Variants in HOMER1 observed in about 807,000 individuals in gnomAD.
HOMER1 encodes homer protein homolog 1.
In HOMER1, 3 loss-of-function variants were observed where a neutral mutation model predicts 48.9. That is an observed-to-expected ratio of 0.06 (90% CI 0.03 to 0.16). The LOEUF is 0.16. HOMER1 is among the 10% of genes least tolerant of loss of function. HOMER1 has a pLI of 1.00. For missense variants in HOMER1, 247 were observed against 411.4 expected (o/e 0.60, Z 3.46); for synonymous variants, 134 against 146.4 (o/e 0.92, Z 0.61).
chr5:79,400,716 T>C (rs1414228869), intron 6 of HOMER1, among the ~76,000 whole-genome samples: 3 of 114,764 alleles, frequency 2.6e-5, no homozygotes, highest in African/African-American at 4.9e-5. Flanking sequence ...CTTCTATGCC[T>C]TGAATTAAAA....
intron 1 of HOMER1, among the ~76,000 whole-genome samples, chr5:79,502,902 T>C (rs1034890876): frequency 2.0e-5 from 3 of 152,204 alleles, no homozygotes; most frequent in Non-Finnish European, 4.4e-5. Flanking sequence ...GCCATTCTCC[T>C]GCCTCAGCCT....
chr5:79,425,390 GT>G (rs2087983970), intron 5 of HOMER1, among the ~76,000 whole-genome samples: 1 of 139,380 alleles, frequency 7.2e-6, no homozygotes, highest in Non-Finnish European at 1.5e-5. Flanking sequence ...TTTTTAAAAA[GT>G]GGTAACAGGG....
At position 79,402,072 on chromosome 5, in the gene HOMER1, A is replaced by G; in HGVS notation, c.528-17T>C. On this transcript the variant is annotated splice_polypyrimidine_tract_variant and intron_variant, in intron 5 of 8. Coordinates refer to ENST00000334082, the MANE Select transcript of HOMER1 (RefSeq NM_004272.5). ...ATTGCTGAACTAAAATAAAACAAAA[A>G]GAAAATTCTATCCATTACACCAACT... is the stretch of plus-strand genomic sequence containing the variant. 1 of 1,606,124 alleles carries G rather than the reference A, an allele frequency of 6.2e-7. No homozygotes were observed. Among genetic ancestry groups the G allele is most frequent in the East Asian group, 2.2e-5 (1 of 44,798 alleles).
chr5:79,512,993 G>A lies in HOMER1; in HGVS notation c.-219C>T, dbSNP rs567274020. The A allele has an allele frequency of 8.6e-6, 5 of 583,034 alleles. No homozygotes were observed. In the East Asian group the frequency reaches 1.5e-4, roughly 17 times the overall value. The allele number at this position is 583,034 out of a possible 1,614,324, so 36.1% of individuals were successfully genotyped here. On this transcript the variant is annotated 5_prime_UTR_variant, in exon 1 of 9. Coordinates refer to ENST00000334082, the MANE Select transcript of HOMER1 (RefSeq NM_004272.5). ...AAACGTTCAAACAGAGGCGGCATTT[G>A]CTTATTCGAGTTAAAATGCTTTGCG... is the stretch of plus-strand genomic sequence containing the variant.
chr5:79,403,809 GT>G (rs1173556509), intron 5 of HOMER1, among the ~76,000 whole-genome samples: 1 of 152,122 alleles, frequency 6.6e-6, no homozygotes, highest in African/African-American at 2.4e-5. Context: ...TTTTCTATAA[GT>G]CTAAAATTAG....
At chr5:79,383,226 AG>A (rs1749025752) in intron 8 of HOMER1, among the ~76,000 whole-genome samples, 1 of 152,186 alleles carries the variant, frequency 6.6e-6, no homozygotes, top group Admixed American at 6.5e-5. Context: ...AAATATTACT[AG>A]ATTGAAAGAC....
intron 1 of HOMER1, among the ~76,000 whole-genome samples, chr5:79,499,864 T>C (rs368510575): frequency 4.6e-5 from 7 of 152,338 alleles, no homozygotes; most frequent in East Asian, 1.9e-4. Flanking sequence ...CAGTAAATTG[T>C]GTATCACAAC....
At chr5:79,439,989 A>G (rs915065405) in intron 4 of HOMER1, among the ~76,000 whole-genome samples, 1 of 152,188 alleles carries the variant, frequency 6.6e-6, no homozygotes, top group African/African-American at 2.4e-5. Flanking sequence ...GGGAGGTGCT[A>G]AAACCAGACT....
chr5:79,387,968 C>T (rs1036282406), intron 8 of HOMER1, among the ~76,000 whole-genome samples: 1 of 152,180 alleles, frequency 6.6e-6, no homozygotes, highest in African/African-American at 2.4e-5. Flanking sequence ...AGAGGTATTT[C>T]TCAAGCTCTC....
At chr5:79,394,901 A>C (rs1233841758) in intron 8 of HOMER1, among the ~76,000 whole-genome samples, 1 of 152,232 alleles carries the variant, frequency 6.6e-6, no homozygotes, top group Admixed American at 6.5e-5. Context: ...AACATTAGAA[A>C]TTTGATATAA....
chr5:79,421,585 C>T (rs529759002), intron 5 of HOMER1, among the ~76,000 whole-genome samples: 1 of 151,762 alleles, frequency 6.6e-6, no homozygotes, highest in Non-Finnish European at 1.5e-5. Context: ...AGCACACACA[C>T]ACACACTAAA....
chr5:79,456,446 T>C (rs542862605), intron 2 of HOMER1, among the ~76,000 whole-genome samples: 111 of 152,332 alleles, frequency 7.3e-4, no homozygotes, highest in African/African-American at 2.6e-3. Context: ...AGCTTTAGTA[T>C]TGACACTGAC....
chr5:79,396,943 T>C, intron 7 of HOMER1, 40 bp from the exon 8 acceptor site: 1 of 1,132,736 alleles, frequency 8.8e-7, no homozygotes, highest in Non-Finnish European at 1.3e-6. Context: ...TCAAACTATA[T>C]CAAGGCAAGG....
intron 1 of HOMER1, among the ~76,000 whole-genome samples, chr5:79,458,427 T>A (rs1008300674): frequency 2.6e-5 from 4 of 151,982 alleles, no homozygotes; most frequent in Non-Finnish European, 1.5e-5. Context: ...TATGAAGAAT[T>A]TTAAAATTTC....
At chr5:79,445,020 G>C (rs1208805798) in intron 4 of HOMER1, among the ~76,000 whole-genome samples, 3 of 151,972 alleles carry the variant, frequency 2.0e-5, no homozygotes, top group African/African-American at 7.3e-5. Context: ...ATTTAACAGA[G>C]CTCTCCTTTA....
intron 2 of HOMER1, among the ~76,000 whole-genome samples, chr5:79,452,393 C>A (rs545410617): frequency 6.6e-6 from 1 of 152,204 alleles, no homozygotes; most frequent in African/African-American, 2.4e-5. Context: ...TCTGCTAATA[C>A]CATAAAAGTG....
chr5:79,486,150 A>G (rs909323577), intron 1 of HOMER1, among the ~76,000 whole-genome samples: 3 of 152,206 alleles, frequency 2.0e-5, no homozygotes. Flanking sequence ...CTATCTTGCC[A>G]ACCACATGAG....
intron 8 of HOMER1, among the ~76,000 whole-genome samples, chr5:79,391,435 C>CT (rs947531314): frequency 3.0e-4 from 43 of 141,038 alleles, no homozygotes; most frequent in Admixed American, 4.3e-4. Flanking sequence ...TGGCCAAAAT[C>CT]TTTTTTTTTT....
intron 8 of HOMER1, among the ~76,000 whole-genome samples, chr5:79,376,615 T>G (rs1193931988): frequency 6.6e-6 from 1 of 152,224 alleles, no homozygotes. Context: ...TAACTTTTTC[T>G]GTTTACTGGC....
Sources: allele counts gnomAD v4.1 joint callset (sites outside exome capture counted in the v4.1 genomes callset), GRCh38; gene constraint gnomAD v4.1.1; transcripts MANE v1.5; gene names NCBI Gene and HGNC (gene_info 2026-07-23, HGNC 2026-07-21).